Variants in GPC6 observed in about 807,000 individuals in gnomAD.
The protein encoded by GPC6 is glypican-6.
In GPC6, 14 loss-of-function variants were observed where a neutral mutation model predicts 55.2. That is an observed-to-expected ratio of 0.25 (90% CI 0.17 to 0.40). The LOEUF is 0.40. GPC6 is among the 10% of genes least tolerant of loss of function. The pLI, the probability that GPC6 is intolerant of heterozygous loss-of-function variation, is 1.00. For synonymous variants in GPC6, 278 were observed against 259.6 expected (o/e 1.07, Z -0.68); for missense variants, 641 against 708.5 (o/e 0.90, Z 1.08).
intron 4 of GPC6, among the ~76,000 whole-genome samples, chr13:94,175,286 C>T (rs1888708385): frequency 6.6e-6 from 1 of 152,124 alleles, no homozygotes; most frequent in Non-Finnish European, 1.5e-5. Flanking sequence ...GTTGCAACTA[C>T]ACAATTCTGC....
chr13:94,358,254 A>T (rs572868224), intron 6 of GPC6, among the ~76,000 whole-genome samples: 26 of 148,586 alleles, frequency 1.7e-4, no homozygotes, highest in Non-Finnish European at 3.4e-4. Context: ...GTGCCACCGC[A>T]CTCCAGCCTA....
chr13:93,633,616 A>G (rs1879567607), intron 2 of GPC6, among the ~76,000 whole-genome samples: 2 of 151,326 alleles, frequency 1.3e-5, no homozygotes, highest in East Asian at 2.0e-4. Context: ...AGCCTGGGTG[A>G]CAGAGTGAGA....
chr13:94,237,620 C>T (rs907961682), intron 4 of GPC6, among the ~76,000 whole-genome samples: 1 of 152,176 alleles, frequency 6.6e-6, no homozygotes, highest in South Asian at 2.1e-4. Flanking sequence ...ACAGAGGAAC[C>T]ATATGGTGCA....
intron 4 of GPC6, among the ~76,000 whole-genome samples, chr13:94,120,639 A>T (rs1886599136): frequency 6.6e-6 from 1 of 152,082 alleles, no homozygotes; most frequent in Non-Finnish European, 1.5e-5. Context: ...CACAGAATTG[A>T]TCGTAGTATT....
In GPC6 at chr13:93,321,139, C is replaced by G. The variant is rs118047607; in HGVS notation, c.160+93523C>G. The stretch of plus-strand genomic sequence containing the variant: ...GATGAGGTCACTCTGTCTTAAGAAG[C>G]TGAAGTACTGTATTCCATTCTCTCG... On this transcript the variant is annotated intron_variant, in intron 1 of 8. Coordinates refer to ENST00000377047, the MANE Select transcript of GPC6 (RefSeq NM_005708.5). Among the ~76,000 whole-genome samples the G allele has an allele frequency of 5.4e-3, 829 of 152,204 alleles. 3 individuals are homozygous for G. Among genetic ancestry groups the G allele is most frequent in the Non-Finnish European group, 8.4e-3 (574 of 67,990 alleles).
At chr13:93,371,585 A>G (rs1355493819) in intron 1 of GPC6, among the ~76,000 whole-genome samples, 1 of 152,162 alleles carries the variant, frequency 6.6e-6, no homozygotes, top group Non-Finnish European at 1.5e-5. Flanking sequence ...ACTGAGGTAC[A>G]CATGGTGAAC....
intron 1 of GPC6, among the ~76,000 whole-genome samples, chr13:93,401,400 T>C (rs1876071647): frequency 6.6e-6 from 1 of 152,082 alleles, no homozygotes; most frequent in South Asian, 2.1e-4. Flanking sequence ...ATTTATATGT[T>C]ATCCAAAGTA....
intron 3 of GPC6, among the ~76,000 whole-genome samples, chr13:93,845,210 C>T (rs1888125724): frequency 1.3e-5 from 2 of 151,860 alleles, no homozygotes; most frequent in South Asian, 4.2e-4. Flanking sequence ...GACATTTATG[C>T]AGCCAAAAAA....
intron 1 of GPC6, among the ~76,000 whole-genome samples, chr13:93,269,643 A>G (rs1431048295): frequency 3.3e-5 from 5 of 151,874 alleles, no homozygotes; most frequent in Non-Finnish European, 7.4e-5. Context: ...TATTTGTGGT[A>G]GGCCGGACAC....
At chr13:93,615,180 A>T (rs1043344847) in intron 2 of GPC6, among the ~76,000 whole-genome samples, 2 of 152,180 alleles carry the variant, frequency 1.3e-5, no homozygotes, top group African/African-American at 4.8e-5. Flanking sequence ...TTTGGTTGGT[A>T]TACTTCCTAG....
chr13:94,195,459 C>G (rs530588275), intron 4 of GPC6, among the ~76,000 whole-genome samples: 1 of 152,338 alleles, frequency 6.6e-6, no homozygotes, highest in African/African-American at 2.4e-5. Flanking sequence ...TGTTTCAAAT[C>G]ATGTGCCATA....
chr13:93,661,621 G>A (rs1447822855), intron 2 of GPC6, among the ~76,000 whole-genome samples: 1 of 152,152 alleles, frequency 6.6e-6, no homozygotes, highest in Non-Finnish European at 1.5e-5. Flanking sequence ...CTCCAGGGAA[G>A]GCTGAGTGAT....
intron 2 of GPC6, among the ~76,000 whole-genome samples, chr13:93,656,116 C>T (rs965649653): frequency 3.9e-5 from 6 of 152,036 alleles, no homozygotes; most frequent in Non-Finnish European, 8.8e-5. Flanking sequence ...TTATAGCAAA[C>T]AGTAGGTTCA....
intron 4 of GPC6, among the ~76,000 whole-genome samples, chr13:94,284,430 T>G (rs2139081938): frequency 6.6e-6 from 1 of 151,984 alleles, no homozygotes; most frequent in African/African-American, 2.4e-5. Flanking sequence ...GGGATGGGGG[T>G]TATTATATCA....
chr13:93,361,548 C>A (rs1881040279), intron 1 of GPC6, among the ~76,000 whole-genome samples: 1 of 152,102 alleles, frequency 6.6e-6, no homozygotes, highest in Non-Finnish European at 1.5e-5. Flanking sequence ...TAAATATTTC[C>A]TTTATTCATT....
At position 94,355,904 on chromosome 13, in the gene GPC6, A is replaced by G. The variant is rs145578704; in HGVS notation, c.1153-26510A>G. Among the ~76,000 whole-genome samples the G allele has an allele frequency of 5.9e-5, 9 of 152,234 alleles. No individual in the cohort carries two copies. The East Asian group carries it at 1.5e-3, about 26-fold the overall frequency. Reference sequence around the variant, plus strand: ...CACCTAGGTATTAAACCCCGCATGCATTAGCTATTTATCCTGATGCTCTCC... The same window carrying G: ...CACCTAGGTATTAAACCCCGCATGCGTTAGCTATTTATCCTGATGCTCTCC... On this transcript the variant is annotated intron_variant, in intron 6 of 8. Transcript: ENST00000377047.
At chr13:94,399,007 A>G (rs553395475) in intron 8 of GPC6, among the ~76,000 whole-genome samples, 9 of 152,354 alleles carry the variant, frequency 5.9e-5, no homozygotes, top group African/African-American at 1.9e-4. Context: ...TGTTCCCACC[A>G]AAAGAAGAAA....
chr13:93,800,039 C>T (rs932838357), intron 2 of GPC6, among the ~76,000 whole-genome samples: 2 of 152,116 alleles, frequency 1.3e-5, no homozygotes, highest in Admixed American at 1.3e-4. Context: ...ATTTCTCATC[C>T]ATTAACACGA....
intron 2 of GPC6, among the ~76,000 whole-genome samples, chr13:93,687,782 A>G (rs917878471): frequency 1.5e-4 from 15 of 102,252 alleles, no homozygotes; most frequent in African/African-American, 4.8e-4. Context: ...ACGTATCATG[A>G]GAAGGGACTG....
Sources: gnomAD v4.1 joint callset for allele counts (sites outside exome capture counted in the v4.1 genomes callset) on GRCh38, gnomAD v4.1.1 for gene constraint, MANE v1.5 for transcripts, NCBI Gene and HGNC (gene_info 2026-07-23, HGNC 2026-07-21) for gene names.